Variants in SAFB observed in about 807,000 individuals in gnomAD.
SAFB encodes scaffold attachment factor B1.
In SAFB, 15 loss-of-function variants were observed where a neutral mutation model predicts 101.6. The observed-to-expected ratio is 0.15, with a 90% CI of 0.10 to 0.23. The LOEUF is 0.23. Among genes scored for constraint, SAFB ranks in the 10% least tolerant of loss-of-function variants. The pLI, the probability that SAFB is intolerant of heterozygous loss-of-function variation, is 1.00. For missense variants in SAFB, 930 were observed against 1,104.1 expected (o/e 0.84, Z 2.23); for synonymous variants, 449 against 407.5 (o/e 1.10, Z -1.23).
At chr19:5,640,258 A>C (rs1357618747) in intron 2 of SAFB, among the ~76,000 whole-genome samples, 1 of 152,086 alleles carries the variant, frequency 6.6e-6, no homozygotes, top group Non-Finnish European at 1.5e-5. Context: ...AGTAGTCAGG[A>C]GATAAATTCG....
chr19:5,664,215 T>A, intron 16 of SAFB, 56 bp downstream of exon 16: 1 of 1,586,904 alleles, frequency 6.3e-7, no homozygotes, highest in Non-Finnish European at 8.6e-7. Flanking sequence ...TCATTCTGAC[T>A]GAGAACAAGG....
At chr19:5,639,300 C>T (rs1016244885) in intron 2 of SAFB, among the ~76,000 whole-genome samples, 3 of 152,156 alleles carry the variant, frequency 2.0e-5, no homozygotes, top group African/African-American at 4.8e-5. Flanking sequence ...GAACTAAATA[C>T]AGGTGTATAT....
At chr19:5,627,253 GA>G (rs891721426) in intron 2 of SAFB, among the ~76,000 whole-genome samples, 3 of 152,038 alleles carry the variant, frequency 2.0e-5, no homozygotes, top group Non-Finnish European at 4.4e-5. Flanking sequence ...CCCAAGGCAG[GA>G]GAATGGTTTC....
At chr19:5,661,936 G>A (rs2054218394) in intron 15 of SAFB, 128 bp downstream of exon 15, 1 of 725,010 alleles carries the variant, frequency 1.4e-6, no homozygotes, top group Non-Finnish European at 2.2e-6. Flanking sequence ...GGAGGCTGGA[G>A]TGCAGTGACC....
Position 5,668,175 on chromosome 19 carries a change from GC to G in SAFB, c.2642del (p.Pro881GlnfsTer55). ...RGGMSGRGSF[A>X]PGGASRGHPI... ...ATTTGTTCCTAGGCGCGGCAGCTTT[GC>G]CCCAGGCGGGGCCTCCCGGGGCCAC... On this transcript the variant is annotated frameshift_variant, in exon 21 of 21. Coordinates refer to ENST00000588852, the MANE Select transcript of SAFB (RefSeq NM_001201338.2). LOFTEE classifies it high-confidence loss of function. 1 of 1,605,768 alleles carries G rather than the reference GC, an allele frequency of 6.2e-7. No homozygotes were observed.
chr19:5,655,933 A>T (rs1056524449), intron 13 of SAFB, among the ~76,000 whole-genome samples: 2 of 152,196 alleles, frequency 1.3e-5, no homozygotes, highest in Admixed American at 1.3e-4. Context: ...GAAAATTAAG[A>T]AATTTATTTT....
At chr19:5,655,839 T>C (rs1477494690) in intron 13 of SAFB, among the ~76,000 whole-genome samples, 1 of 152,222 alleles carries the variant, frequency 6.6e-6, no homozygotes, top group Non-Finnish European at 1.5e-5. Flanking sequence ...AACAATGTCA[T>C]TGGCACAAAT....
chr19:5,654,009 G>A lies in SAFB; in HGVS notation c.1527-52G>A, dbSNP rs2053998625. ...GCCCGCCTCATCCCCCCAAAGTGCT[G>A]GGAATACAGGCATGAGCCACCACGC... On this transcript the variant is annotated intron_variant, in intron 11 of 20. Coordinates refer to ENST00000588852, the MANE Select transcript of SAFB (RefSeq NM_001201338.2). 4 of 1,584,428 alleles carry A rather than the reference G, an allele frequency of 2.5e-6. No individual in the cohort carries two copies. In the South Asian group the frequency reaches 4.5e-5, roughly 18 times the overall value.
chr19:5,657,503 T>A (rs2054090551), intron 14 of SAFB, among the ~76,000 whole-genome samples, 156 bp downstream of exon 14: 1 of 152,182 alleles, frequency 6.6e-6, no homozygotes, highest in Non-Finnish European at 1.5e-5. Flanking sequence ...TGTTTTAACT[T>A]TCATCCTACG....
chr19:5,637,188 C>G (rs1414550782), intron 2 of SAFB, among the ~76,000 whole-genome samples: 5 of 150,304 alleles, frequency 3.3e-5, no homozygotes, highest in Non-Finnish European at 7.4e-5. Context: ...ACTAAAAATA[C>G]AAAAAATAAG....
chr19:5,629,599 T>TAA (rs1477115659), intron 2 of SAFB, among the ~76,000 whole-genome samples: 5 of 152,190 alleles, frequency 3.3e-5, no homozygotes, highest in African/African-American at 1.2e-4. Flanking sequence ...CGTTTGGAGA[T>TAA]TTTTATTTCC....
Position 5,626,572 on chromosome 19 carries a change from C to A in SAFB, c.274+83C>A, listed in dbSNP as rs978572384. 1.6e-5 allele frequency: 13 copies of A among 828,350 alleles called. No homozygotes were observed. The African/African-American group carries it at 1.9e-4, about 12-fold the overall frequency. The allele number at this position is 828,350 out of a possible 1,614,324, so 51.3% of individuals were successfully genotyped here. A position where few individuals can be genotyped will look rare whatever the true frequency, so the allele number is the denominator to read the frequency against. On this transcript the variant is annotated intron_variant, in intron 2 of 20. Coordinates refer to ENST00000588852, the MANE Select transcript of SAFB (RefSeq NM_001201338.2). ...TTGCTAATGTGCCTCGTTTACTTGT[C>A]TGTGTGTTGGACTTGTGAACCACTC...
At chr19:5,652,163 A>G (rs182000158) in intron 9 of SAFB, among the ~76,000 whole-genome samples, 4 of 152,146 alleles carry the variant, frequency 2.6e-5, no homozygotes, top group African/African-American at 9.7e-5. Flanking sequence ...ACTGCACTCC[A>G]GCCTGGGACA....
intron 13 of SAFB, among the ~76,000 whole-genome samples, chr19:5,655,645 A>G (rs371078890): frequency 1.5e-4 from 23 of 152,132 alleles, no homozygotes; most frequent in African/African-American, 5.1e-4. Flanking sequence ...CGCCTGGTCA[A>G]CCCTCAGCTG....
chr19:5,667,785 C>T lies in SAFB; in HGVS notation c.2558-35C>T. 1 of 1,611,596 alleles carries T rather than the reference C, an allele frequency of 6.2e-7. No homozygotes were observed. Among genetic ancestry groups the T allele is most frequent in the Admixed American group, 1.7e-5 (1 of 59,970 alleles). On this transcript the variant is annotated intron_variant, in intron 19 of 20. Coordinates refer to ENST00000588852, the MANE Select transcript of SAFB (RefSeq NM_001201338.2). This position sits in a 1 kb window ranked among gnomAD's most constrained non-coding sequence, Gnocchi z 4.0. Reference sequence around the variant, plus strand: ...TGCCGTGGGTTCCACGCCGTGTGCGCAAGTTCCCTGTGTGAAAGCACGTCT... The same window carrying T: ...TGCCGTGGGTTCCACGCCGTGTGCGTAAGTTCCCTGTGTGAAAGCACGTCT...
Position 5,627,179 on chromosome 19 carries a change from T to TA in SAFB, c.274+698dup, listed in dbSNP as rs758427877. ...TGACAGAGCAAGACCCAGTCTCTCT[T>TA]AAAAAAAAGGGGGGTGGGGGCGGGG... On this transcript the variant is annotated intron_variant, in intron 2 of 20. Transcript: ENST00000588852. Among the ~76,000 whole-genome samples the TA allele has an allele frequency of 9.7e-5, 13 of 134,172 alleles. No individual in the cohort carries two copies. The East Asian group carries it at 1.8e-3, about 18-fold the overall frequency. The allele number at this position is 134,172 out of a possible 152,430, so 88.0% of individuals were successfully genotyped here.
intron 9 of SAFB, among the ~76,000 whole-genome samples, chr19:5,651,733 G>A (rs2145454288): frequency 6.6e-6 from 1 of 152,276 alleles, no homozygotes; most frequent in South Asian, 2.1e-4. Context: ...TCCCAGACTT[G>A]CCTCCCAAAC....
intron 15 of SAFB, 52 bp downstream of exon 15, chr19:5,661,860 G>T: frequency 7.9e-7 from 1 of 1,260,656 alleles, no homozygotes; most frequent in South Asian, 1.5e-5. Flanking sequence ...TCGTGTTAGG[G>T]ACCTCACAGT....
At chr19:5,649,636 T>G (rs1168148937) in intron 7 of SAFB, 137 bp downstream of exon 7, 1 of 593,492 alleles carries the variant, frequency 1.7e-6, no homozygotes, top group African/African-American at 1.9e-5. Context: ...GAATGTTTCG[T>G]TTCTCTTTGT....
Sources: gnomAD v4.1 joint callset for allele counts (sites outside exome capture counted in the v4.1 genomes callset) on GRCh38, gnomAD v4.1.1 for gene constraint, Gnocchi (gnomAD v3.1) non-coding constraint, MANE v1.5 for transcripts, NCBI Gene and HGNC (gene_info 2026-07-23, HGNC 2026-07-21) for gene names.